PATJ: variants seen among roughly 807,000 people sequenced by gnomAD.
The protein encoded by PATJ is inaD-like protein.
PATJ carries 190 observed loss-of-function variants against 224.9 expected under a neutral mutation model. The observed-to-expected ratio is 0.84, with a 90% CI of 0.75 to 0.95. PATJ has a LOEUF of 0.95. Ranked by LOEUF, PATJ falls within the 40% of genes least tolerant of loss-of-function variation. PATJ has a pLI of 0.00. For missense variants in PATJ, 2,121 were observed against 2,270.3 expected, an observed-to-expected ratio of 0.93 and a Z score of 1.34; for synonymous variants, 769 against 820.3, an observed-to-expected ratio of 0.94 and a Z score of 1.07.
chr1:62,064,226 G>T (rs532412002), intron 31 of PATJ, among the ~76,000 whole-genome samples: 1 of 152,120 alleles, frequency 6.6e-6, no homozygotes, highest in South Asian at 2.1e-4. Flanking sequence ...GGATTTTATC[G>T]AAAGCTTTTT....
chr1:61,999,950 G>A (rs961177042), intron 28 of PATJ, among the ~76,000 whole-genome samples: 3 of 151,820 alleles, frequency 2.0e-5, no homozygotes, highest in Admixed American at 6.6e-5. Context: ...TGGTGTGATC[G>A]CAGCTCTGCA....
At chr1:61,893,538 T>C (rs1669901376) in intron 22 of PATJ, among the ~76,000 whole-genome samples, 1 of 151,190 alleles carries the variant, frequency 6.6e-6, no homozygotes, top group South Asian at 2.1e-4. Context: ...TGGTGGCTCA[T>C]GCCCATGATC....
At position 62,121,245 on chromosome 1, in the gene PATJ, A is replaced by C. The variant is rs1019800056; in HGVS notation, c.4955A>C (p.Gln1652Pro). Residue 1652 changes from glutamine to proline, a missense_variant, in exon 38 of 44, where the codon CAA becomes CCA. Coordinates refer to ENST00000642238, the MANE Select transcript of PATJ (RefSeq NM_001350145.3). Reference protein sequence around the residue: ...PSFAPVITGLQNLVGTKRVSD... With the variant: ...PSFAPVITGLPNLVGTKRVSD... ...TTCGCTCCTGTCATCACTGGCCTGC[A>C]AAACCTGGTTGGCACAAAAAGAGTT... 4 of 1,613,946 alleles carry C rather than the reference A, an allele frequency of 2.5e-6. No homozygotes were observed. The African/African-American group carries it at 4.0e-5, about 16-fold the overall frequency.
At chr1:61,973,363 T>C (rs1365390715) in intron 27 of PATJ, among the ~76,000 whole-genome samples, 1 of 152,028 alleles carries the variant, frequency 6.6e-6, no homozygotes, top group Non-Finnish European at 1.5e-5. Context: ...TGTACAGGGC[T>C]CTGGGCACAC....
rs1669827648 is a variant in PATJ at position 62,161,353 on chromosome 1, T to A, written c.*299T>A. On this transcript the variant is annotated 3_prime_UTR_variant, in exon 44 of 44. Coordinates refer to ENST00000642238, the MANE Select transcript of PATJ (RefSeq NM_001350145.3). ...TTTCTTTTTTTTTTTTTTTTTTTTT[T>A]TTTGAGACGGAGTCTCACTCTGTCA... 1 of 147,210 alleles carries A rather than the reference T, an allele frequency of 6.8e-6. No individual in the cohort carries two copies. The highest frequency in any genetic ancestry group is 3.9e-5 in the African/African-American group (1 of 25,366). The allele number at this position is 147,210 out of a possible 1,614,324, so 9.1% of individuals were successfully genotyped here. A position where few individuals can be genotyped will look rare whatever the true frequency, so the allele number is the denominator to read the frequency against.
In PATJ at chr1:61,801,649, C is replaced by G. The variant is rs150291494; in HGVS notation, c.1429C>G (p.Pro477Ala). The G allele has an allele frequency of 6.3e-7, 1 of 1,590,514 alleles. No individual in the cohort carries two copies. Among genetic ancestry groups the G allele is most frequent in the Admixed American group, 1.7e-5 (1 of 57,610 alleles). Reference protein sequence around the residue: ...RGTVVEPLKPPALFLTGAVET... With the variant: ...RGTVVEPLKPAALFLTGAVET... ...AACTGTTGTAGAACCACTGAAACCA[C>G]CAGCTCTCTTTCTAACTGGAGCAGT... Residue 477 changes from proline to alanine, a missense_variant, in exon 12 of 44, where the codon CCA becomes GCA. Physicochemically the swap from Pro to Ala is conservative, Grantham distance 27 (BLOSUM62 -1). Transcript: ENST00000642238.
chr1:61,825,502 C>CGTGT (rs5774575), intron 15 of PATJ, among the ~76,000 whole-genome samples: 57 of 150,416 alleles, frequency 3.8e-4, no homozygotes, highest in Middle Eastern at 3.5e-3. Context: ...CTCAAAGTGT[C>CGTGT]GTGTGTGTGT....
At chr1:62,117,312 T>G (rs921402930) in intron 37 of PATJ, 94 bp downstream of exon 37, 5 of 1,566,908 alleles carry the variant, frequency 3.2e-6, no homozygotes, top group Non-Finnish European at 4.3e-6. Context: ...AAATAATATC[T>G]AATGTACAGC....
At position 61,993,088 on chromosome 1, in the gene PATJ, C is replaced by T. The variant is rs551652621; in HGVS notation, c.3867+2724C>T. 3.9e-5 allele frequency among the ~76,000 whole-genome samples: 6 copies of T among 152,276 alleles called. No individual in the cohort carries two copies. The East Asian group carries it at 9.7e-4, about 25-fold the overall frequency. ...GGCTCAGTCCCACAATACTGTCTCC[C>T]ACCACTTTAGAGGCTGTTTGCAATC... On this transcript the variant is annotated intron_variant, in intron 28 of 43. Coordinates refer to ENST00000642238, the MANE Select transcript of PATJ (RefSeq NM_001350145.3).
chr1:62,087,171 C>T (rs894861370), intron 33 of PATJ, among the ~76,000 whole-genome samples: 1 of 151,980 alleles, frequency 6.6e-6, no homozygotes. Context: ...TTTTATTTAG[C>T]AACGGAAGTG....
chr1:61,973,128 G>A (rs750825140), intron 27 of PATJ, among the ~76,000 whole-genome samples: 1 of 151,952 alleles, frequency 6.6e-6, no homozygotes, highest in African/African-American at 2.4e-5. Flanking sequence ...AAATTTGCAA[G>A]CTTGTGTTTC....
chr1:61,850,903 C>A (rs1662709172), intron 17 of PATJ, among the ~76,000 whole-genome samples: 1 of 152,206 alleles, frequency 6.6e-6, no homozygotes, highest in South Asian at 2.1e-4. Context: ...GTGTTACCAG[C>A]TGTTGTTGTT....
intron 27 of PATJ, chr1:61,952,213 A>T: frequency 1.9e-6 from 1 of 514,048 alleles, no homozygotes; most frequent in Non-Finnish European, 3.6e-6. Flanking sequence ...TTTTCCTGAT[A>T]TAAATAGATT....
chr1:62,135,263 T>C (rs1201843459), intron 41 of PATJ, among the ~76,000 whole-genome samples: 6 of 152,108 alleles, frequency 3.9e-5, no homozygotes, highest in African/African-American at 1.4e-4. Flanking sequence ...ACGCCTGTAA[T>C]CCCAGCACTT....
At chr1:61,814,539 TGTGTGTGTGC>T (rs971196656) in intron 14 of PATJ, among the ~76,000 whole-genome samples, 12 of 138,726 alleles carry the variant, frequency 8.7e-5, no homozygotes, top group African/African-American at 3.4e-4. Flanking sequence ...TGTGTGTGTG[TGTGTGTGTGC>T]GCGCGCGCGC....
intron 7 of PATJ, among the ~76,000 whole-genome samples, chr1:61,784,761 T>G (rs1208925742): frequency 6.6e-6 from 1 of 152,256 alleles, no homozygotes; most frequent in Admixed American, 6.5e-5. Flanking sequence ...GACTTTCTCT[T>G]AAGTAGTTGC....
intron 30 of PATJ, chr1:62,038,721 A>G (rs1650908780): frequency 6.0e-6 from 2 of 331,548 alleles, no homozygotes; most frequent in East Asian, 6.6e-5. Flanking sequence ...TTGTTTCTAC[A>G]GTAAACATAA....
rs777491576 is a variant in PATJ, at chr1:62,142,503, G to A, written c.5272-5781G>A. 3.8e-4 allele frequency among the ~76,000 whole-genome samples: 58 copies of A among 152,086 alleles called. 1 individual carries two copies. Among genetic ancestry groups the A allele is most frequent in the East Asian group, 1.9e-4 (1 of 5,198 alleles). On this transcript the variant is annotated intron_variant, in intron 41 of 43. Coordinates refer to ENST00000642238, the MANE Select transcript of PATJ (RefSeq NM_001350145.3). ...TATTCCTTATGACAGTTTTAGATTC[G>A]CTCATTCACTCCACAATTATTAAGC...
intron 31 of PATJ, among the ~76,000 whole-genome samples, chr1:62,071,618 C>T (rs1177020767): frequency 3.3e-5 from 5 of 151,566 alleles, no homozygotes; most frequent in South Asian, 2.1e-4. Flanking sequence ...CTCAGACTCC[C>T]GAGTAACTGG....
Sources: gnomAD v4.1 joint callset for allele counts (sites outside exome capture counted in the v4.1 genomes callset) on GRCh38, gnomAD v4.1.1 for gene constraint, MANE v1.5 for transcripts, NCBI Gene and HGNC (gene_info 2026-07-23, HGNC 2026-07-21) for gene names.